The following MAP2 variants were observed in gnomAD, a reference collection of about 807,000 sequenced individuals.
MAP2 encodes microtubule-associated protein 2.
A neutral mutation model predicts 137.6 loss-of-function variants in MAP2; 14 were observed. The ratio of observed to expected loss-of-function variants is 0.10; its 90% CI spans 0.07 to 0.16. The LOEUF (loss-of-function observed/expected upper bound fraction) is 0.16. Among genes scored for constraint, MAP2 ranks in the 10% least tolerant of loss-of-function variants. The pLI is 1.00. For synonymous variants in MAP2, 786 were observed against 782.3 expected (o/e 1.00, Z -0.08); for missense variants, 2,088 against 2,191.5 (o/e 0.95, Z 0.94).
At chr2:209,618,489 A>G (rs2090197579) in intron 3 of MAP2, among the ~76,000 whole-genome samples, 1 of 152,178 alleles carries the variant, frequency 6.6e-6, no homozygotes, top group South Asian at 2.1e-4. Flanking sequence ...TTACGACAAC[A>G]TGTGAACCTG....
At chr2:209,585,837 T>G (rs1465181918) in intron 3 of MAP2, among the ~76,000 whole-genome samples, 1 of 152,136 alleles carries the variant, frequency 6.6e-6, no homozygotes, top group Non-Finnish European at 1.5e-5. Flanking sequence ...TAAAATTTGG[T>G]GGTTTCAAAA....
chr2:209,636,222 G>C (rs1419964683), intron 4 of MAP2, among the ~76,000 whole-genome samples: 1 of 152,264 alleles, frequency 6.6e-6, no homozygotes, highest in Admixed American at 6.5e-5. Flanking sequence ...ACTTCAGTGA[G>C]GGAGTGCCAA....
chr2:209,524,760 T>C (rs1230260852), intron 2 of MAP2, among the ~76,000 whole-genome samples: 1 of 152,142 alleles, frequency 6.6e-6, no homozygotes, highest in Non-Finnish European at 1.5e-5. Flanking sequence ...GTTGGTTCAA[T>C]TGAATCACAA....
At chr2:209,593,832 T>C (rs57003263) in intron 3 of MAP2, among the ~76,000 whole-genome samples, 1 of 89,616 alleles carries the variant, frequency 1.1e-5, no homozygotes, top group African/African-American at 4.1e-5. Flanking sequence ...ATTATATTTA[T>C]ATTATATTAT....
intron 11 of MAP2, among the ~76,000 whole-genome samples, chr2:209,702,847 G>T (rs1014147634): frequency 3.9e-5 from 6 of 152,012 alleles, no homozygotes; most frequent in African/African-American, 1.4e-4. Context: ...ATGTCCTGTT[G>T]TAGCCACAGA....
At chr2:209,495,633 CT>C (rs1429823353) in intron 1 of MAP2, among the ~76,000 whole-genome samples, 3 of 152,202 alleles carry the variant, frequency 2.0e-5, no homozygotes, top group African/African-American at 4.8e-5. Flanking sequence ...CAGAAAGGTA[CT>C]GGATATTCAA....
chr2:209,635,171 T>C (rs2093444595), intron 4 of MAP2, among the ~76,000 whole-genome samples: 1 of 152,138 alleles, frequency 6.6e-6, no homozygotes, highest in Non-Finnish European at 1.5e-5. Context: ...GTTTCCAAAA[T>C]GATAATGACT....
chr2:209,691,074 A>T (rs1313111756), intron 7 of MAP2, among the ~76,000 whole-genome samples: 1 of 152,182 alleles, frequency 6.6e-6, no homozygotes, highest in African/African-American at 2.4e-5. Context: ...TTGCCATGAT[A>T]CAATACGCTT....
At chr2:209,648,290 A>G (rs549586625) in intron 4 of MAP2, among the ~76,000 whole-genome samples, 17 of 152,066 alleles carry the variant, frequency 1.1e-4, no homozygotes, top group Admixed American at 4.6e-4. Context: ...TTCTTGGGAC[A>G]GGGTTTCACC....
chr2:209,592,482 G>A (rs1311202960), intron 3 of MAP2, among the ~76,000 whole-genome samples: 2 of 152,108 alleles, frequency 1.3e-5, no homozygotes, highest in African/African-American at 4.8e-5. Context: ...TATGTGGCCA[G>A]TCACTAATAA....
chr2:209,683,433 C>T (rs1263194119), intron 7 of MAP2, among the ~76,000 whole-genome samples: 1 of 152,116 alleles, frequency 6.6e-6, no homozygotes, highest in African/African-American at 2.4e-5. Context: ...TAAACTCTAT[C>T]TCTATAAAGA....
chr2:209,565,815 A>G (rs1457914828), intron 2 of MAP2, among the ~76,000 whole-genome samples: 3 of 152,222 alleles, frequency 2.0e-5, no homozygotes, highest in African/African-American at 4.8e-5. Flanking sequence ...AACTCTTAAT[A>G]CAAAGGTCAC....
At chr2:209,642,735 A>G (rs1403373937) in intron 4 of MAP2, among the ~76,000 whole-genome samples, 1 of 152,188 alleles carries the variant, frequency 6.6e-6, no homozygotes, top group Non-Finnish European at 1.5e-5. Context: ...CTGGATTTTC[A>G]GCATATCTTT....
chr2:209,655,551 T>G (rs796349304), intron 5 of MAP2, among the ~76,000 whole-genome samples: 4 of 152,366 alleles, frequency 2.6e-5, no homozygotes, highest in African/African-American at 9.6e-5. Context: ...ACAACTTTTA[T>G]CATTCATGGT....
chr2:209,695,769 C>G lies in MAP2; in HGVS notation c.3599C>G (p.Pro1200Arg), dbSNP rs1265977681. 1 of 1,613,636 alleles carries G rather than the reference C, an allele frequency of 6.2e-7. No homozygotes were observed. The highest frequency in any genetic ancestry group is 8.5e-7 in the Non-Finnish European group (1 of 1,179,948). ...ADVQMEFIQG[P>R]KEESKETPDI... ...GTCCAGATGGAATTTATTCAGGGGC[C>G]AAAAGAAGAAAGCAAAGAGACCCCA... Residue 1200 changes from proline to arginine, a missense_variant, in exon 8 of 16, where the codon CCA becomes CGA. Physicochemically the swap from Pro to Arg is moderately radical, Grantham distance 103. Around this residue, in one of 6 missense-constraint regions of MAP2, gnomAD observed 591 missense variants for 642.6 expected, o/e 0.92. Coordinates refer to ENST00000682079, the MANE Select transcript of MAP2 (RefSeq NM_001375505.1).
intron 3 of MAP2, among the ~76,000 whole-genome samples, chr2:209,594,725 A>G (rs1302454491): frequency 2.0e-5 from 3 of 152,150 alleles, no homozygotes; most frequent in African/African-American, 4.8e-5. Flanking sequence ...TTGCACTACA[A>G]TCTTTTCCAC....
chr2:209,696,348 A>G lies in MAP2; in HGVS notation c.4178A>G (p.Gln1393Arg). ...GCTGACAGCCTCTGGGTGGACACTC[A>G]AGGTGTGCATTATTATTATTATTAT... ...MDADSLWVDT[Q>R]DDDRSIMTEQ... The change falls in exon 8 of 16, where the codon CAA becomes CGA. Residue 1393 changes from glutamine to arginine, a missense_variant and splice_region_variant. This residue lies in a region of MAP2 where 591 missense variants were observed against 642.6 expected (regional missense o/e 0.92). Coordinates refer to ENST00000682079, the MANE Select transcript of MAP2 (RefSeq NM_001375505.1). 1 of 1,543,732 alleles carries G rather than the reference A, an allele frequency of 6.5e-7. No homozygotes were observed. Among genetic ancestry groups the G allele is most frequent in the Non-Finnish European group, 8.7e-7 (1 of 1,153,724 alleles).
intron 3 of MAP2, among the ~76,000 whole-genome samples, chr2:209,593,355 TA>T (rs1174471931): frequency 6.6e-6 from 1 of 151,176 alleles, no homozygotes; most frequent in Non-Finnish European, 1.5e-5. Flanking sequence ...ATTTTTTAAT[TA>T]AAAAAATGAA....
At chr2:209,451,241 T>C (rs1700229007) in intron 1 of MAP2, among the ~76,000 whole-genome samples, 1 of 152,178 alleles carries the variant, frequency 6.6e-6, no homozygotes, top group African/African-American at 2.4e-5. Context: ...ACTCATCCAC[T>C]CTCCACCTTT....
Sources: allele counts gnomAD v4.1 joint callset (sites outside exome capture counted in the v4.1 genomes callset), GRCh38; gene constraint gnomAD v4.1.1; regional missense constraint gnomAD v4.1.1; transcripts MANE v1.5; gene names NCBI Gene and HGNC (gene_info 2026-07-23, HGNC 2026-07-21).